The following EYA1 variants were observed in gnomAD, a reference collection of about 807,000 sequenced individuals.
The protein encoded by EYA1 is protein phosphatase EYA1.
EYA1 carries 16 observed loss-of-function variants against 82.0 expected under a neutral mutation model. That is an observed-to-expected ratio of 0.20 (90% confidence interval 0.13 to 0.30). The LOEUF is 0.30. Among genes scored for constraint, EYA1 ranks in the 10% least tolerant of loss-of-function variants. The pLI, the probability that EYA1 is intolerant of heterozygous loss-of-function variation, is 1.00. For synonymous variants in EYA1, 261 were observed against 264.4 expected (o/e 0.99, Z 0.12); for missense variants, 633 against 730.7 (o/e 0.87, Z 1.54).
At chr8:71,493,031 T>C (rs563935663) in intron 2 of EYA1, among the ~76,000 whole-genome samples, 3 of 152,230 alleles carry the variant, frequency 2.0e-5, no homozygotes, top group African/African-American at 7.2e-5. Context: ...TTTCTATTCC[T>C]GTGTTAATCT....
rs201000727 is a variant in EYA1 at position 71,294,025 on chromosome 8, TAA to T, written c.826+5020_826+5021del. On this transcript the variant is annotated intron_variant, in intron 9 of 17. Coordinates refer to ENST00000340726, the MANE Select transcript of EYA1 (RefSeq NM_000503.6). ...AACATGATTGTCTATGTAGAAAATA[TAA>T]AAAAAAAAAATCAACAAATACCCAC... 5.3e-4 allele frequency among the ~76,000 whole-genome samples: 77 copies of T among 145,270 alleles called. 2 individuals carry two copies. The South Asian group carries it at 0.016, about 30-fold the overall frequency.
intron 2 of EYA1, among the ~76,000 whole-genome samples, chr8:71,425,077 G>A (rs1216963599): frequency 1.3e-4 from 18 of 139,300 alleles, no homozygotes; most frequent in South Asian, 2.3e-4. Flanking sequence ...TGGCTAACAC[G>A]GTGAAACCCT....
At chr8:71,289,690 T>C (rs1333155207) in intron 9 of EYA1, among the ~76,000 whole-genome samples, 2 of 152,202 alleles carry the variant, frequency 1.3e-5, no homozygotes, top group Non-Finnish European at 2.9e-5. Flanking sequence ...ACAATGACAA[T>C]ACAACTCTAT....
intron 7 of EYA1, among the ~76,000 whole-genome samples, chr8:71,312,674 G>C (rs1486146684): frequency 6.6e-6 from 1 of 152,114 alleles, no homozygotes; most frequent in Non-Finnish European, 1.5e-5. Flanking sequence ...CTGACCTTGG[G>C]TGATCTGCCC....
chr8:71,457,671 A>G (rs1808051703), intron 2 of EYA1, among the ~76,000 whole-genome samples: 1 of 152,210 alleles, frequency 6.6e-6, no homozygotes, highest in Non-Finnish European at 1.5e-5. Flanking sequence ...ACAAAAAACC[A>G]AACACCGCAT....
chr8:71,256,856 G>A (rs1814487718), intron 11 of EYA1, among the ~76,000 whole-genome samples: 1 of 151,886 alleles, frequency 6.6e-6, no homozygotes, highest in South Asian at 2.1e-4. Flanking sequence ...AAAATTAGCT[G>A]GGCATGGTGG....
chr8:71,527,246 T>C (rs1813887285), intron 2 of EYA1, among the ~76,000 whole-genome samples: 1 of 152,328 alleles, frequency 6.6e-6, no homozygotes, highest in South Asian at 2.1e-4. Flanking sequence ...AACTGAGTAC[T>C]TGAGTTCACA....
rs891735112 is a variant in EYA1 at position 71,354,654 on chromosome 8, T to C, written c.124+128A>G. On this transcript the variant is annotated intron_variant, in intron 3 of 17. Transcript: ENST00000340726. ...GAGTACTGATTGGTAAGTCACATTA[T>C]TACCTAAAGGGGAAATATAAGAGTA... is the stretch of plus-strand genomic sequence containing the variant. The C allele has an allele frequency of 3.3e-6, 3 of 905,538 alleles. No individual in the cohort carries two copies. The East Asian group carries it at 8.1e-5, about 24-fold the overall frequency. 56.1% of individuals were successfully genotyped at this position (905,538 alleles called of 1,614,324 possible).
intron 2 of EYA1, among the ~76,000 whole-genome samples, chr8:71,443,299 T>C (rs1806572329): frequency 1.3e-5 from 2 of 152,258 alleles, no homozygotes; most frequent in East Asian, 3.9e-4. Flanking sequence ...AAATGGATTT[T>C]TTTGGCGGGG....
At chr8:71,481,342 C>A (rs537901501) in intron 2 of EYA1, among the ~76,000 whole-genome samples, 4 of 152,152 alleles carry the variant, frequency 2.6e-5, no homozygotes, top group East Asian at 1.9e-4. Flanking sequence ...GCCAAGGCTG[C>A]CGTCAATTTT....
chr8:71,313,623 A>G (rs1369431929), intron 7 of EYA1, among the ~76,000 whole-genome samples: 1 of 152,212 alleles, frequency 6.6e-6, no homozygotes, highest in Non-Finnish European at 1.5e-5. Context: ...TTGTGGGAGT[A>G]GATCTCATGC....
chr8:71,371,362 A>G (rs190363863), intron 2 of EYA1, among the ~76,000 whole-genome samples: 4 of 152,250 alleles, frequency 2.6e-5, no homozygotes, highest in Non-Finnish European at 5.9e-5. Context: ...GGTTCCCAGA[A>G]CACTGTTAGC....
At chr8:71,476,741 G>C (rs1403249994) in intron 2 of EYA1, among the ~76,000 whole-genome samples, 1 of 151,900 alleles carries the variant, frequency 6.6e-6, no homozygotes, top group Non-Finnish European at 1.5e-5. Context: ...AATTCAAATG[G>C]AAATGCAAGG....
chr8:71,425,233 A>G (rs896658773), intron 2 of EYA1, among the ~76,000 whole-genome samples: 2 of 151,682 alleles, frequency 1.3e-5, no homozygotes, highest in Admixed American at 6.6e-5. Context: ...CAGGGAGCTG[A>G]GATCATGCCA....
intron 2 of EYA1, among the ~76,000 whole-genome samples, chr8:71,527,497 A>G (rs1043221846): frequency 6.6e-6 from 1 of 152,234 alleles, no homozygotes; most frequent in African/African-American, 2.4e-5. Flanking sequence ...CTAGCCTGAT[A>G]GGAACAAAAT....
At chr8:71,292,095 T>G (rs10106252) in intron 9 of EYA1, among the ~76,000 whole-genome samples, 71,593 of 151,888 alleles carry the variant, frequency 0.47, 17,460 homozygotes, top group East Asian at 0.71. Context: ...GATCTTTTGA[T>G]AAAAGTCAAT....
At chr8:71,441,495 A>C (rs752724785) in intron 2 of EYA1, among the ~76,000 whole-genome samples, 4 of 152,202 alleles carry the variant, frequency 2.6e-5, no homozygotes, top group Non-Finnish European at 5.9e-5. Flanking sequence ...CTCCCATAGA[A>C]ATAAAACTGA....
chr8:71,418,549 T>A (rs1830975850), intron 2 of EYA1, among the ~76,000 whole-genome samples: 1 of 152,174 alleles, frequency 6.6e-6, no homozygotes. Flanking sequence ...CACCTCATCC[T>A]CTACACCCTT....
chr8:71,235,091 C>T (rs907627453), intron 12 of EYA1, among the ~76,000 whole-genome samples: 4 of 152,190 alleles, frequency 2.6e-5, no homozygotes. Context: ...TCACCACATC[C>T]AGACTGCTAT....
Sources: gnomAD v4.1 joint callset for allele counts (sites outside exome capture counted in the v4.1 genomes callset) on GRCh38, gnomAD v4.1.1 for gene constraint, MANE v1.5 for transcripts, NCBI Gene and HGNC (gene_info 2026-07-23, HGNC 2026-07-21) for gene names.